The following AUTS2 variants were observed in gnomAD, a reference collection of about 807,000 sequenced individuals.
AUTS2 encodes activator of transcription and developmental regulator AUTS2.
AUTS2 carries 17 observed loss-of-function variants against 112.4 expected under a neutral mutation model. That is an observed-to-expected ratio of 0.15 (90% confidence interval 0.10 to 0.23). The LOEUF (loss-of-function observed/expected upper bound fraction) is 0.23. Ranked by LOEUF, AUTS2 falls within the 10% of genes least tolerant of loss-of-function variation. The pLI, the probability that AUTS2 is intolerant of heterozygous loss-of-function variation, is 1.00. For synonymous variants in AUTS2, 751 were observed against 702.7 expected (o/e 1.07, Z -1.09); for missense variants, 1,510 against 1,701.6 (o/e 0.89, Z 1.98).
chr7:69,655,128 G>A (rs1167928714), intron 1 of AUTS2, among the ~76,000 whole-genome samples: 3 of 151,968 alleles, frequency 2.0e-5, no homozygotes, highest in Non-Finnish European at 2.9e-5. Flanking sequence ...TGACCATTTG[G>A]CACTTCACAG....
rs566694323 is a variant in AUTS2 at position 70,717,711 on chromosome 7, C to T, written c.742+19091C>T. 2.1e-3 allele frequency among the ~76,000 whole-genome samples: 321 copies of T among 152,300 alleles called. 2 individuals carry two copies. The highest frequency in any genetic ancestry group is 7.4e-3 in the African/African-American group (307 of 41,564). ...TTGAAGCACCTCAAGCCCTCGCCAG[C>T]CTCTTCTTGTCCGTTGCTGATCTTT... On this transcript the variant is annotated intron_variant, in intron 6 of 18. Transcript: ENST00000342771.
chr7:70,770,959 T>C (rs1238668635), intron 10 of AUTS2, among the ~76,000 whole-genome samples: 1 of 151,218 alleles, frequency 6.6e-6, no homozygotes, highest in Non-Finnish European at 1.5e-5. Flanking sequence ...TTCACAAATA[T>C]TTGTCATTAT....
chr7:70,210,692 A>G (rs1810833999), intron 4 of AUTS2, among the ~76,000 whole-genome samples: 1 of 152,184 alleles, frequency 6.6e-6, no homozygotes, highest in African/African-American at 2.4e-5. Flanking sequence ...CAAGTGGTAG[A>G]AGAAAGAAGC....
intron 5 of AUTS2, among the ~76,000 whole-genome samples, chr7:70,636,756 C>T (rs554479282): frequency 2.6e-5 from 4 of 151,930 alleles, no homozygotes; most frequent in Non-Finnish European, 5.9e-5. Flanking sequence ...AAGGGATCCT[C>T]CCACCTCAGC....
chr7:70,696,823 G>A (rs1377622298), intron 5 of AUTS2, among the ~76,000 whole-genome samples: 1 of 152,170 alleles, frequency 6.6e-6, no homozygotes, highest in African/African-American at 2.4e-5. Context: ...GGTAATCCCA[G>A]AATTTTCAAA....
chr7:70,562,121 G>C (rs1801513450), intron 5 of AUTS2, among the ~76,000 whole-genome samples: 1 of 152,182 alleles, frequency 6.6e-6, no homozygotes, highest in Non-Finnish European at 1.5e-5. Flanking sequence ...ACCAGAAGCA[G>C]ATGCTGGCAC....
At chr7:70,043,190 G>C (rs1801321162) in intron 2 of AUTS2, among the ~76,000 whole-genome samples, 1 of 152,060 alleles carries the variant, frequency 6.6e-6, no homozygotes, top group African/African-American at 2.4e-5. Flanking sequence ...TGCATAAATG[G>C]GGCAGGTCCA....
At position 70,434,759 on chromosome 7, in the gene AUTS2, C is replaced by T. The variant is rs188311852; in HGVS notation, c.661-993C>T. 1.2e-4 allele frequency among the ~76,000 whole-genome samples: 19 copies of T among 152,300 alleles called. No homozygotes were observed. In the East Asian group the frequency reaches 2.9e-3, roughly 23 times the overall value. Reference sequence around the variant, plus strand: ...CCCAGCTTCATGTCTTACTGCTAAACGGAAGGCTCCTTTAGAGCCAGGCCT... The same window carrying T: ...CCCAGCTTCATGTCTTACTGCTAAATGGAAGGCTCCTTTAGAGCCAGGCCT... On this transcript the variant is annotated intron_variant, in intron 4 of 18. Transcript: ENST00000342771.
chr7:70,647,542 GA>G (rs2129541347), intron 5 of AUTS2, among the ~76,000 whole-genome samples: 1 of 152,360 alleles, frequency 6.6e-6, no homozygotes, highest in Admixed American at 6.5e-5. Context: ...ATGGTTTCTT[GA>G]AAATGATGCT....
chr7:70,628,971 T>C (rs1434898753), intron 5 of AUTS2, among the ~76,000 whole-genome samples: 1 of 152,044 alleles, frequency 6.6e-6, no homozygotes, highest in African/African-American at 2.4e-5. Flanking sequence ...TGTCGGGAAG[T>C]GCCTGTGGAA....
At chr7:70,075,568 G>A (rs973249295) in intron 2 of AUTS2, among the ~76,000 whole-genome samples, 1 of 152,054 alleles carries the variant, frequency 6.6e-6, no homozygotes, top group African/African-American at 2.4e-5. Flanking sequence ...AATAATAAAA[G>A]AGATATGAAA....
intron 4 of AUTS2, among the ~76,000 whole-genome samples, chr7:70,348,682 C>T (rs1354470180): frequency 1.3e-5 from 2 of 151,662 alleles, no homozygotes; most frequent in African/African-American, 2.4e-5. Flanking sequence ...AGGTGGCGGG[C>T]GCCTGTAGTC....
intron 2 of AUTS2, among the ~76,000 whole-genome samples, chr7:70,055,103 C>G (rs1361063032): frequency 2.0e-5 from 3 of 152,134 alleles, no homozygotes; most frequent in Non-Finnish European, 4.4e-5. Flanking sequence ...TTAAGTTAAA[C>G]ATTTCCTCTA....
At chr7:70,556,399 G>A (rs1241932860) in intron 5 of AUTS2, among the ~76,000 whole-genome samples, 1 of 152,190 alleles carries the variant, frequency 6.6e-6, no homozygotes, top group Non-Finnish European at 1.5e-5. Flanking sequence ...AGGGAAGAGT[G>A]ACATCTGCCT....
intron 2 of AUTS2, among the ~76,000 whole-genome samples, chr7:69,948,808 T>C (rs1796917044): frequency 6.7e-6 from 1 of 148,154 alleles, no homozygotes; most frequent in African/African-American, 2.6e-5. Flanking sequence ...ATTTATTTAT[T>C]TATTTATTTA....
intron 5 of AUTS2, among the ~76,000 whole-genome samples, chr7:70,438,466 A>G (rs372806591): frequency 9.2e-5 from 14 of 152,070 alleles, no homozygotes; most frequent in African/African-American, 3.1e-4. Context: ...TGGGAGCCAC[A>G]CCATAACCAG....
chr7:70,665,236 G>C (rs1807269908), intron 5 of AUTS2, among the ~76,000 whole-genome samples: 1 of 152,034 alleles, frequency 6.6e-6, no homozygotes, highest in Non-Finnish European at 1.5e-5. Flanking sequence ...TCTTATAGGA[G>C]GTTCTCTGAA....
rs140352709 is a variant in AUTS2, at chr7:69,789,311, ATC to A, written c.310-109971_310-109970del. Among the ~76,000 whole-genome samples the A allele has an allele frequency of 5.9e-3, 903 of 152,300 alleles. 12 individuals carry two copies. The highest frequency in any genetic ancestry group is 0.021 in the African/African-American group (859 of 41,562). ...CTGCATCCAGACCAATTCAGTCAGA[ATC>A]TCTGATGGTGAGCCCCAAGTATCAA... is the stretch of plus-strand genomic sequence containing the variant. On this transcript the variant is annotated intron_variant, in intron 1 of 18. Coordinates refer to ENST00000342771, the MANE Select transcript of AUTS2 (RefSeq NM_015570.4).
intron 1 of AUTS2, among the ~76,000 whole-genome samples, chr7:69,717,387 A>G (rs1798667768): frequency 6.6e-6 from 1 of 152,188 alleles, no homozygotes; most frequent in African/African-American, 2.4e-5. Flanking sequence ...GGGTGTGGGC[A>G]TTAGAGAGTG....
Sources: gnomAD v4.1 joint callset for allele counts (sites outside exome capture counted in the v4.1 genomes callset) on GRCh38, gnomAD v4.1.1 for gene constraint, MANE v1.5 for transcripts, NCBI Gene and HGNC (gene_info 2026-07-23, HGNC 2026-07-21) for gene names.